The following SH2D3C variants were observed in gnomAD, a reference collection of about 807,000 sequenced individuals.
SH2D3C encodes the protein SH2 domain containing 3C, also known as SH2 domain-containing protein 3C.
A neutral mutation model predicts 75.2 loss-of-function variants in SH2D3C; 25 were observed. The ratio of observed to expected loss-of-function variants is 0.33; its 90% confidence interval spans 0.24 to 0.46. The LOEUF (loss-of-function observed/expected upper bound fraction) is 0.46, where lower values mean the gene tolerates loss of function less well. Among genes scored for constraint, SH2D3C ranks in the 20% least tolerant of loss-of-function variants. The pLI, the probability that SH2D3C is intolerant of heterozygous loss-of-function variation, is 1.00. For synonymous variants in SH2D3C, 450 were observed against 473.7 expected (o/e 0.95, Z 0.65); for missense variants, 933 against 1,165.3 (o/e 0.80, Z 2.90).
chr9:127,770,784 A>T (rs1204399357), intron 2 of SH2D3C, among the ~76,000 whole-genome samples: 1 of 152,128 alleles, frequency 6.6e-6, no homozygotes, highest in Non-Finnish European at 1.5e-5. Context: ...TGGGTCCTGG[A>T]CTTGCCATTC....
At position 127,762,335 on chromosome 9, in the gene SH2D3C, C is replaced by T; in HGVS notation, c.516-685G>A. 6.1e-6 allele frequency: 8 copies of T among 1,302,624 alleles called. No homozygotes were observed. The South Asian group carries it at 9.9e-5, about 16-fold the overall frequency. 80.7% of individuals were successfully genotyped at this position (1,302,624 alleles called of 1,614,324 possible). On this transcript the variant is annotated intron_variant, in intron 2 of 11. Coordinates refer to ENST00000314830, the MANE Select transcript of SH2D3C (RefSeq NM_170600.3). ...CACCGCATGGCCTTAAATGCTACCCCTACCCTCAGGCAGCCTGGACCTGCC... is the reference window on the plus strand; with the variant it reads ...CACCGCATGGCCTTAAATGCTACCCTTACCCTCAGGCAGCCTGGACCTGCC...
chr9:127,741,701 C>G, intron 9 of SH2D3C, 87 bp downstream of exon 9: 2 of 1,470,936 alleles, frequency 1.4e-6, no homozygotes, highest in Non-Finnish European at 1.8e-6. Flanking sequence ...CAAAGCTCCT[C>G]CTGATTCCAT....
intron 3 of SH2D3C, among the ~76,000 whole-genome samples, chr9:127,759,149 G>A (rs1172216709): frequency 6.6e-6 from 1 of 152,172 alleles, no homozygotes; most frequent in Admixed American, 6.5e-5. Context: ...GCAAGTAAGT[G>A]GCAGATCTCA....
chr9:127,774,003 C>T lies in SH2D3C; in HGVS notation c.502G>A (p.Val168Met), dbSNP rs79510013. The T allele has an allele frequency of 3.0e-5, 49 of 1,609,712 alleles. No homozygotes were observed. In the African/African-American group the frequency reaches 5.2e-4, roughly 17 times the overall value. ...CTGGGCACCTACCTTTCTGAGTGCA[C>T]GTCCCTGGGAGGTCTCTCCTCTTCT... The part of the protein sequence containing the change: ...DVEEERPPRD[V>M]HSERAAGEPE... The change falls in exon 2 of 12, where the codon GTG becomes ATG. Residue 168 changes from valine to methionine, a missense_variant. Transcript: ENST00000314830. The surrounding 1 kb of genome is among the most constrained non-coding windows in gnomAD (Gnocchi z 4.3).
intron 2 of SH2D3C, 58 bp downstream of exon 2, chr9:127,773,928 AAAAG>A: frequency 4.8e-6 from 5 of 1,031,832 alleles, no homozygotes; most frequent in Non-Finnish European, 7.2e-6. Flanking sequence ...AAAAAAAAAA[AAAAG>A]AAAAAGAAAA....
At chr9:127,744,102 G>A (rs1376142221) in intron 7 of SH2D3C, among the ~76,000 whole-genome samples, 1 of 131,680 alleles carries the variant, frequency 7.6e-6, no homozygotes, top group Admixed American at 8.9e-5. Context: ...GAATAGTGTC[G>A]TTCTGTTGCC....
intron 8 of SH2D3C, 43 bp from the exon 9 acceptor site, chr9:127,742,002 G>C (rs1203808541): frequency 6.4e-7 from 1 of 1,555,036 alleles, no homozygotes; most frequent in Non-Finnish European, 8.7e-7. Flanking sequence ...TCGGGGACAG[G>C]GGTGAGGGGT....
intron 6 of SH2D3C, 86 bp downstream of exon 6, chr9:127,747,061 C>A: frequency 7.0e-7 from 1 of 1,426,096 alleles, no homozygotes; most frequent in Non-Finnish European, 9.5e-7. Context: ...ATAAAAGAGG[C>A]GGAAACACAC....
At chr9:127,758,744 A>G (rs1057403392) in intron 3 of SH2D3C, among the ~76,000 whole-genome samples, 1 of 152,186 alleles carries the variant, frequency 6.6e-6, no homozygotes, top group Admixed American at 6.5e-5. Flanking sequence ...ATCTCAGTGA[A>G]TGTTCCCAGT....
intron 2 of SH2D3C, chr9:127,767,054 C>T (rs1271887491): frequency 2.0e-6 from 3 of 1,536,096 alleles, no homozygotes; most frequent in Non-Finnish European, 2.6e-6. Context: ...TTGGCTTTGG[C>T]CCTGCCCCAC....
Position 127,741,918 on chromosome 9 carries a change from C to A in SH2D3C, c.1958G>T (p.Gly653Val), listed in dbSNP as rs763670465. Residue 653 changes from glycine (G) to valine (V), a missense_variant, in exon 9 of 12, where the codon GGC (glycine) becomes GTC (valine). Gly to Val is a moderately radical substitution (Grantham distance 109). Transcript: ENST00000314830. ...MSIMLAVDIL[G>V]CTGSAEERAA... Reference sequence around the variant, plus strand: ...CCGCTCCTCCGCAGAGCCGGTGCAGCCCAGGATGTCCACGGCCAGCATGAT... The same window carrying A: ...CCGCTCCTCCGCAGAGCCGGTGCAGACCAGGATGTCCACGGCCAGCATGAT... 7.4e-6 allele frequency: 12 copies of A among 1,612,798 alleles called. No homozygotes were observed. In the African/African-American group the frequency reaches 1.3e-4, roughly 18 times the overall value.
intron 2 of SH2D3C, chr9:127,762,101 G>T (rs745846436): frequency 2.1e-5 from 16 of 762,724 alleles, no homozygotes; most frequent in African/African-American, 3.8e-5. Flanking sequence ...CCCCAAGTGG[G>T]GATCAGCCCG....
intron 9 of SH2D3C, among the ~76,000 whole-genome samples, chr9:127,741,069 G>C (rs1050645536): frequency 6.6e-6 from 1 of 152,156 alleles, no homozygotes; most frequent in African/African-American, 2.4e-5. Context: ...GCCTCTGACC[G>C]TATGACCTTA....
intron 1 of SH2D3C, among the ~76,000 whole-genome samples, chr9:127,776,879 A>G (rs1032143261): frequency 2.0e-5 from 3 of 152,232 alleles, no homozygotes; most frequent in Non-Finnish European, 2.9e-5. Flanking sequence ...ACGTGTCGGC[A>G]AATGTGGCCG....
intron 3 of SH2D3C, among the ~76,000 whole-genome samples, chr9:127,753,488 G>T (rs1845261853): frequency 6.6e-6 from 1 of 152,162 alleles, no homozygotes; most frequent in South Asian, 2.1e-4. Context: ...CAGGTGCTCA[G>T]GAGAAAGGCG....
chr9:127,740,800 C>A (rs990007928), intron 9 of SH2D3C, among the ~76,000 whole-genome samples: 2 of 152,218 alleles, frequency 1.3e-5, no homozygotes, highest in Non-Finnish European at 2.9e-5. Flanking sequence ...CCTGCCTCAG[C>A]CTGCCGAGTA....
intron 8 of SH2D3C, 117 bp downstream of exon 8, chr9:127,742,732 T>G: frequency 1.5e-6 from 1 of 675,668 alleles, no homozygotes; most frequent in Non-Finnish European, 2.5e-6. Context: ...ATGGGAGGCG[T>G]GGCCAGAGCC....
chr9:127,777,267 C>A (rs994491798), intron 1 of SH2D3C, among the ~76,000 whole-genome samples: 2 of 152,288 alleles, frequency 1.3e-5, no homozygotes, highest in East Asian at 3.9e-4. Flanking sequence ...GAAGGACAGA[C>A]ACAGGAAAAC....
intron 1 of SH2D3C, among the ~76,000 whole-genome samples, 182 bp downstream of exon 1, chr9:127,778,409 T>C (rs1367404762): frequency 1.3e-5 from 2 of 151,824 alleles, no homozygotes; most frequent in Non-Finnish European, 2.9e-5. Flanking sequence ...TGAGCCGAGA[T>C]TGTGCCACTG....
Sources: allele counts gnomAD v4.1 joint callset (sites outside exome capture counted in the v4.1 genomes callset), GRCh38; gene constraint gnomAD v4.1.1; non-coding constraint Gnocchi (gnomAD v3.1); transcripts MANE v1.5; gene names NCBI Gene and HGNC (gene_info 2026-07-23, HGNC 2026-07-21).